GRIP1: variants seen among roughly 807,000 people sequenced by gnomAD.
The protein encoded by GRIP1 is glutamate receptor interacting protein 1.
Under a neutral mutation model 129.9 loss-of-function variants are expected in GRIP1, and 45 were observed. The observed-to-expected ratio is 0.35, with a 90% CI of 0.27 to 0.44. The LOEUF (loss-of-function observed/expected upper bound fraction) is 0.44. Among genes scored for constraint, GRIP1 ranks in the 20% least tolerant of loss-of-function variants. GRIP1 has a pLI of 1.00. For synonymous variants in GRIP1, 530 were observed against 520.8 expected (o/e 1.02, Z -0.24); for missense variants, 1,196 against 1,396.8 (o/e 0.86, Z 2.29).
At chr12:66,976,913 C>G (rs1184510184) in intron 1 of GRIP1, among the ~76,000 whole-genome samples, 3 of 152,206 alleles carry the variant, frequency 2.0e-5, no homozygotes, top group Admixed American at 2.0e-4. Context: ...CTAAAACTCA[C>G]ATACACACAT....
intron 1 of GRIP1, among the ~76,000 whole-genome samples, chr12:66,945,052 C>T (rs1430018188): frequency 6.6e-6 from 1 of 152,192 alleles, no homozygotes; most frequent in African/African-American, 2.4e-5. Context: ...CTTGGCCTCC[C>T]AAAGTGCTGG....
chr12:66,687,795 G>A (rs963644556), intron 1 of GRIP1, among the ~76,000 whole-genome samples: 3 of 152,192 alleles, frequency 2.0e-5, no homozygotes, highest in South Asian at 4.1e-4. Flanking sequence ...ACTCCCCTAC[G>A]TCTACCCCTC....
chr12:66,968,273 T>C (rs960628037), intron 1 of GRIP1, among the ~76,000 whole-genome samples: 6 of 152,312 alleles, frequency 3.9e-5, no homozygotes, highest in Admixed American at 2.0e-4. Flanking sequence ...TCCAGCTTTC[T>C]TTTGATTGGT....
chr12:66,389,064 C>T (rs1286998319), intron 19 of GRIP1, among the ~76,000 whole-genome samples: 5 of 152,162 alleles, frequency 3.3e-5, no homozygotes, highest in Admixed American at 2.6e-4. Flanking sequence ...AACAAGGCAA[C>T]TATTACAGCC....
chr12:66,736,030 C>A (rs1473259258), intron 1 of GRIP1, among the ~76,000 whole-genome samples: 4 of 151,984 alleles, frequency 2.6e-5, no homozygotes, highest in African/African-American at 9.7e-5. Context: ...AACAGTTCAC[C>A]CTTAAACAAT....
chr12:67,066,888 T>TTATATATATATATATATATATATATA (rs1555170033), intron 1 of GRIP1, among the ~76,000 whole-genome samples: 60 of 125,610 alleles, frequency 4.8e-4, no homozygotes, highest in African/African-American at 1.5e-3. Flanking sequence ...AAATATATAT[T>TTATATATATATATATATATATATATA]TATATATATA....
intron 7 of GRIP1, among the ~76,000 whole-genome samples, chr12:66,473,145 G>A (rs755763013): frequency 1.1e-4 from 17 of 152,128 alleles, no homozygotes; most frequent in Non-Finnish European, 2.4e-4. Context: ...GTGGGGGGAG[G>A]GGCGTCCCTC....
Position 66,551,805 on chromosome 12 carries a change from C to T in GRIP1, c.137-9855G>A, listed in dbSNP as rs550741663. Among the ~76,000 whole-genome samples, 5 of 152,094 alleles carry T rather than the reference C, an allele frequency of 3.3e-5. No individual in the cohort carries two copies. In the East Asian group the frequency reaches 9.6e-4, roughly 29 times the overall value. On this transcript the variant is annotated intron_variant, in intron 2 of 24. Transcript: ENST00000359742. ...CTATGTTGCTTCGGCTGGTTTTGAA[C>T]TCCTGGGCTCAAGCGATGGTCCTGC...
chr12:66,473,430 G>A (rs1206953081), intron 7 of GRIP1, among the ~76,000 whole-genome samples: 4 of 152,188 alleles, frequency 2.6e-5, no homozygotes, highest in East Asian at 1.9e-4. Flanking sequence ...CCTGCCTGCT[G>A]GCTCTGAAGA....
intron 1 of GRIP1, among the ~76,000 whole-genome samples, chr12:67,058,695 G>T (rs568181106): frequency 6.6e-6 from 1 of 152,212 alleles, no homozygotes; most frequent in Non-Finnish European, 1.5e-5. Context: ...AGCCTCGAGC[G>T]ATGTCATCTC....
chr12:66,451,383 G>GTTTGTTTTTTTTTTTTTTTTTTTTT (rs2058794233), intron 11 of GRIP1, among the ~76,000 whole-genome samples: 2 of 42,650 alleles, frequency 4.7e-5, no homozygotes, highest in Non-Finnish European at 8.4e-5. Context: ...ATTATAATCT[G>GTTTGTTTTTTTTTTTTTTTTTTTTT]TTTTTTTTTT....
In GRIP1 at chr12:66,392,452, C is replaced by T; in HGVS notation, c.2320G>A (p.Asp774Asn). The change falls in exon 19 of 25, where the codon GAC becomes AAC. Residue 774 changes from aspartate to asparagine, a missense_variant. By Grantham distance (23) the Asp-to-Asn change is conservative. Around this residue, in one of 5 missense-constraint regions of GRIP1, gnomAD observed 427 missense variants for 463.3 expected, o/e 0.92. Coordinates refer to ENST00000359742, the MANE Select transcript of GRIP1 (RefSeq NM_001366722.1). ...GAGTCCTCCTCCACATCCCCCAGGT[C>T]ACTCAAATGGCTAGAAATAGGGAAC... ...KKFPISSHLSDLGDVEEDSSP... is the reference protein window; with the variant it reads ...KKFPISSHLSNLGDVEEDSSP... The T allele has an allele frequency of 6.2e-7, 1 of 1,614,144 alleles. No individual in the cohort carries two copies. The highest frequency in any genetic ancestry group is 1.7e-5 in the Admixed American group (1 of 60,020).
intron 1 of GRIP1, among the ~76,000 whole-genome samples, chr12:66,797,563 G>A (rs1159331103): frequency 6.6e-6 from 1 of 152,156 alleles, no homozygotes; most frequent in Non-Finnish European, 1.5e-5. Flanking sequence ...GGGAGGATGG[G>A]AACTTTTATG....
intron 1 of GRIP1, among the ~76,000 whole-genome samples, chr12:66,710,702 A>G (rs1232448899): frequency 6.6e-6 from 1 of 151,970 alleles, no homozygotes; most frequent in East Asian, 1.9e-4. Flanking sequence ...ATTACAAAGA[A>G]TCTTAACATA....
chr12:66,679,403 A>C (rs2034490037), upstream of GRIP1, among the ~76,000 whole-genome samples: 2 of 150,752 alleles, frequency 1.3e-5, no homozygotes, highest in Admixed American at 1.3e-4. Context: ...TACTTTAGGA[A>C]GAAATGCATG....
intron 1 of GRIP1, among the ~76,000 whole-genome samples, chr12:66,742,614 C>T (rs568518054): frequency 1.3e-5 from 2 of 152,092 alleles, no homozygotes; most frequent in East Asian, 1.9e-4. Context: ...TATCATAATA[C>T]ACTCATTTAC....
chr12:66,546,634 AG>A lies in GRIP1; in HGVS notation c.137-4685del, dbSNP rs778639750. ...ATGCAAATGCAATTCAATAGAGGAA[AG>A]GTAGCCTATTCAACAAATGATGCTG... On this transcript the variant is annotated intron_variant, in intron 2 of 24. Transcript: ENST00000359742. 2.2e-4 allele frequency among the ~76,000 whole-genome samples: 33 copies of A among 152,328 alleles called. 1 individual carries two copies. In the East Asian group the frequency reaches 6.2e-3, roughly 28 times the overall value.
chr12:66,710,916 A>G (rs1342089570), intron 1 of GRIP1, among the ~76,000 whole-genome samples: 1 of 151,878 alleles, frequency 6.6e-6, no homozygotes, highest in Admixed American at 6.6e-5. Context: ...ATCACTTCAC[A>G]TAGTATATGA....
chr12:66,582,783 C>T (rs2139632126), intron 2 of GRIP1, among the ~76,000 whole-genome samples: 1 of 145,706 alleles, frequency 6.9e-6, no homozygotes, highest in Non-Finnish European at 1.5e-5. Context: ...AAGAACATTC[C>T]ATGCTCATGG....
Sources: allele counts gnomAD v4.1 joint callset (sites outside exome capture counted in the v4.1 genomes callset), GRCh38; gene constraint gnomAD v4.1.1; regional missense constraint gnomAD v4.1.1; transcripts MANE v1.5; gene names NCBI Gene and HGNC (gene_info 2026-07-23, HGNC 2026-07-21).